The following MRE11 variants were observed in gnomAD, a reference collection of about 807,000 sequenced individuals.
MRE11 encodes MRE11 double strand break repair nuclease.
In MRE11, 62 loss-of-function variants were observed where a neutral mutation model predicts 91.7. The ratio of observed to expected loss-of-function variants is 0.68; its 90% CI spans 0.55 to 0.84. The LOEUF (loss-of-function observed/expected upper bound fraction) is 0.84, where lower values mean the gene tolerates loss of function less well. MRE11 is among the 40% of genes least tolerant of loss of function. The pLI is 0.00. For synonymous variants in MRE11, 273 were observed against 271.4 expected (o/e 1.01, Z -0.06); for missense variants, 796 against 852.9 (o/e 0.93, Z 0.83).
upstream of MRE11, chr11:94,498,157 A>T (rs117625520): frequency 1.7e-3 from 2,726 of 1,614,198 alleles, 65 homozygotes; most frequent in East Asian, 0.051. Flanking sequence ...TTCATCGAGC[A>T]GCCTACAGTG....
Position 94,492,809 on chromosome 11 carries a change from G to T in MRE11, c.-8C>A. On this transcript the variant is annotated 5_prime_UTR_variant, in exon 2 of 20. Transcript: ENST00000323929. ...TGCATCTGCAGTACTCATTTTTATG[G>T]TCAGTCAAGCTCCTCTGGGACCAGG... is the stretch of plus-strand genomic sequence containing the variant. 6.2e-7 allele frequency: 1 copy of T among 1,613,496 alleles called. No homozygotes were observed. The highest frequency in any genetic ancestry group is 8.5e-7 in the Non-Finnish European group (1 of 1,179,800).
intron 6 of MRE11, among the ~76,000 whole-genome samples, chr11:94,477,566 G>C (rs975172606): frequency 1.3e-5 from 2 of 152,132 alleles, no homozygotes; most frequent in African/African-American, 4.8e-5. Context: ...GTTAGAAGTG[G>C]CCTAGCTCCC....
At chr11:94,476,039 T>A (rs563494745) in intron 7 of MRE11, among the ~76,000 whole-genome samples, 2 of 152,310 alleles carry the variant, frequency 1.3e-5, no homozygotes, top group East Asian at 3.9e-4. Context: ...ACAAAAAGAT[T>A]CTACCTTTTT....
intron 14 of MRE11, among the ~76,000 whole-genome samples, chr11:94,451,659 A>G (rs1946110204): frequency 6.6e-6 from 1 of 152,212 alleles, no homozygotes; most frequent in South Asian, 2.1e-4. Context: ...AGCTATGTAC[A>G]TAATAATATA....
chr11:94,464,010 T>C (rs1428691471), intron 11 of MRE11, 103 bp downstream of exon 11: 8 of 1,284,522 alleles, frequency 6.2e-6, no homozygotes, highest in Non-Finnish European at 8.8e-6. Flanking sequence ...GACATTACAA[T>C]CATATTAAAA....
chr11:94,452,547 C>T (rs1225750573), intron 14 of MRE11, among the ~76,000 whole-genome samples: 1 of 152,138 alleles, frequency 6.6e-6, no homozygotes, highest in African/African-American at 2.4e-5. Context: ...ATTATGATTA[C>T]TTCTTGGAAT....
intron 14 of MRE11, among the ~76,000 whole-genome samples, chr11:94,449,672 A>C (rs1946044068): frequency 6.6e-6 from 1 of 152,208 alleles, no homozygotes; most frequent in South Asian, 2.1e-4. Flanking sequence ...TATTGTGCAA[A>C]CATCATAGTG....
the MRE11 span, among the ~76,000 whole-genome samples, chr11:94,502,938 G>A: frequency 5.3e-5 from 8 of 152,116 alleles, no homozygotes; most frequent in African/African-American, 1.7e-4. Context: ...ACCTCCCAAA[G>A]TGCTGGGATT....
intron 16 of MRE11, among the ~76,000 whole-genome samples, chr11:94,438,467 CT>C (rs1316801001): frequency 2.0e-5 from 3 of 152,172 alleles, no homozygotes; most frequent in Non-Finnish European, 4.4e-5. Flanking sequence ...TACTCAGTTA[CT>C]TTTTTCACAT....
chr11:94,500,323 A>G, the MRE11 span, among the ~76,000 whole-genome samples: 1 of 152,220 alleles, frequency 6.6e-6, no homozygotes, highest in Admixed American at 6.5e-5. Flanking sequence ...AGACCTCAAC[A>G]CTCACTCACT....
intron 10 of MRE11, among the ~76,000 whole-genome samples, chr11:94,465,159 G>C (rs10831232): frequency 0.12 from 18,241 of 152,160 alleles, 1,227 homozygotes; most frequent in South Asian, 0.18. Flanking sequence ...CTTTTAGTCA[G>C]TACAATGTAG....
At chr11:94,482,379 C>G (rs1159220002) in intron 4 of MRE11, among the ~76,000 whole-genome samples, 1 of 152,152 alleles carries the variant, frequency 6.6e-6, no homozygotes, top group Non-Finnish European at 1.5e-5. Context: ...AATCACTATG[C>G]TAAACTTTCT....
chr11:94,435,100 G>C (rs1314447263), intron 18 of MRE11, among the ~76,000 whole-genome samples: 1 of 152,206 alleles, frequency 6.6e-6, no homozygotes, highest in African/African-American at 2.4e-5. Context: ...CAAGTCCTCT[G>C]AAGGCAGACT....
chr11:94,469,072 T>A (rs1255523481), intron 9 of MRE11, among the ~76,000 whole-genome samples: 1 of 152,132 alleles, frequency 6.6e-6, no homozygotes, highest in Non-Finnish European at 1.5e-5. Flanking sequence ...AACAGAAATG[T>A]ACATAAAATA....
upstream of MRE11, chr11:94,498,420 G>A (rs1288064218): frequency 1.2e-6 from 2 of 1,613,558 alleles, no homozygotes; most frequent in Non-Finnish European, 8.5e-7. Context: ...GTCAAACCAG[G>A]GCTGAAAAAC....
intron 16 of MRE11, among the ~76,000 whole-genome samples, chr11:94,442,723 A>G (rs1350937783): frequency 2.0e-5 from 3 of 152,218 alleles, no homozygotes; most frequent in Admixed American, 6.5e-5. Context: ...GAATAACCCA[A>G]TACAATAGAG....
the MRE11 span, among the ~76,000 whole-genome samples, chr11:94,506,844 C>T: frequency 6.6e-6 from 1 of 152,048 alleles, no homozygotes; most frequent in Non-Finnish European, 1.5e-5. Flanking sequence ...CCTGCCTTGG[C>T]CTCCAAAAGT....
chr11:94,435,145 A>G (rs1467579755), intron 18 of MRE11, among the ~76,000 whole-genome samples: 1 of 152,240 alleles, frequency 6.6e-6, no homozygotes, highest in Non-Finnish European at 1.5e-5. Flanking sequence ...TGTTTAGTAC[A>G]GTACCATGTG....
At chr11:94,454,897 C>T (rs2134962325) in intron 14 of MRE11, among the ~76,000 whole-genome samples, 1 of 152,238 alleles carries the variant, frequency 6.6e-6, no homozygotes, top group South Asian at 2.1e-4. Context: ...TAGCATTATT[C>T]TTGCAATTTG....
Sources: gnomAD v4.1 joint callset for allele counts (sites outside exome capture counted in the v4.1 genomes callset) on GRCh38, gnomAD v4.1.1 for gene constraint, MANE v1.5 for transcripts, NCBI Gene and HGNC (gene_info 2026-07-23, HGNC 2026-07-21) for gene names.